The following CNBD1 variants were observed in gnomAD, a reference collection of about 807,000 sequenced individuals.
The protein encoded by CNBD1 is cyclic nucleotide binding domain containing 1, also known as cyclic nucleotide-binding domain-containing protein 1.
Under a neutral mutation model 54.4 loss-of-function variants are expected in CNBD1, and 71 were observed. The observed-to-expected ratio is 1.30, with a 90% CI of 1.08 to 1.59. The LOEUF (loss-of-function observed/expected upper bound fraction) is 1.59, where lower values mean the gene tolerates loss of function less well. Among genes scored for constraint, CNBD1 ranks in the 40% most tolerant of loss-of-function variants. CNBD1 has a pLI of 0.00. For missense variants in CNBD1, 659 were observed against 518.0 expected (o/e 1.27, Z -2.64); for synonymous variants, 182 against 170.7 (o/e 1.07, Z -0.51).
At chr8:87,090,331 T>C (rs1280190489) in intron 4 of CNBD1, among the ~76,000 whole-genome samples, 1 of 152,166 alleles carries the variant, frequency 6.6e-6, no homozygotes, top group Admixed American at 6.5e-5. Context: ...GTGGCAAAAA[T>C]AACCTTCTAA....
At chr8:87,327,454 A>T (rs997282687) in intron 8 of CNBD1, among the ~76,000 whole-genome samples, 7 of 152,110 alleles carry the variant, frequency 4.6e-5, no homozygotes, top group Non-Finnish European at 7.3e-5. Context: ...GCAATCAGCG[A>T]GATTCCGTGG....
chr8:87,365,707 A>T (rs184944696), intron 10 of CNBD1, among the ~76,000 whole-genome samples: 5 of 152,178 alleles, frequency 3.3e-5, no homozygotes, highest in African/African-American at 9.6e-5. Flanking sequence ...TAAGTATGAT[A>T]ACTTTGCTTT....
In CNBD1 at chr8:87,259,176, C is replaced by T. The variant is rs372594324; in HGVS notation, c.771+22064C>T. On this transcript the variant is annotated intron_variant, in intron 6 of 10. Coordinates refer to ENST00000518476, the MANE Select transcript of CNBD1 (RefSeq NM_173538.3). Reference sequence around the variant, plus strand: ...TTTCACAACTTATACAGGCTATCTACGACATCCTTGGACTTTCTGACTTGT... The same window carrying T: ...TTTCACAACTTATACAGGCTATCTATGACATCCTTGGACTTTCTGACTTGT... Among the ~76,000 whole-genome samples, 8 of 152,244 alleles carry T rather than the reference C, an allele frequency of 5.3e-5. No homozygotes were observed. The East Asian group carries it at 5.8e-4, about 11-fold the overall frequency.
chr8:87,085,567 T>G (rs1027276245), intron 4 of CNBD1, among the ~76,000 whole-genome samples: 1 of 152,192 alleles, frequency 6.6e-6, no homozygotes, highest in African/African-American at 2.4e-5. Flanking sequence ...CTCAGTGCAC[T>G]GCTGATTTCA....
chr8:87,146,608 A>C (rs906818381), intron 4 of CNBD1, among the ~76,000 whole-genome samples: 2 of 152,156 alleles, frequency 1.3e-5, no homozygotes, highest in Non-Finnish European at 1.5e-5. Flanking sequence ...TTTGGTGAGC[A>C]GTGCTGAGCC....
chr8:86,930,642 G>A (rs1158949211), intron 3 of CNBD1, among the ~76,000 whole-genome samples: 3 of 152,140 alleles, frequency 2.0e-5, no homozygotes, highest in Non-Finnish European at 4.4e-5. Flanking sequence ...TGCTTCCTCT[G>A]GTATTTGAGA....
intron 10 of CNBD1, among the ~76,000 whole-genome samples, chr8:87,356,457 C>T (rs1198756825): frequency 6.6e-6 from 1 of 152,130 alleles, no homozygotes; most frequent in African/African-American, 2.4e-5. Flanking sequence ...TATGCCCTAG[C>T]AAAAATCTTG....
chr8:87,411,765 G>C (rs1185465175), intron 2 of CNBD1, among the ~76,000 whole-genome samples: 2 of 150,826 alleles, frequency 1.3e-5, no homozygotes, highest in Non-Finnish European at 3.0e-5. Flanking sequence ...TAAGTTCATT[G>C]TATTTTTTCA....
chr8:87,219,333 T>C (rs1374679252), intron 5 of CNBD1, among the ~76,000 whole-genome samples: 1 of 152,008 alleles, frequency 6.6e-6, no homozygotes, highest in African/African-American at 2.4e-5. Flanking sequence ...ATGTGGGACA[T>C]AAATGAAAAC....
At chr8:87,424,988 A>G (rs1373582677) in intron 2 of CNBD1, among the ~76,000 whole-genome samples, 1 of 152,066 alleles carries the variant, frequency 6.6e-6, no homozygotes, top group South Asian at 2.1e-4. Flanking sequence ...CTTTTCACAT[A>G]GTCCCATATT....
intron 6 of CNBD1, among the ~76,000 whole-genome samples, chr8:87,272,180 T>A (rs62528087): frequency 0.045 from 6,868 of 151,996 alleles, 201 homozygotes; most frequent in Non-Finnish European, 0.064. Context: ...ATCAGTAGGA[T>A]GATTATAGTT....
intron 4 of CNBD1, among the ~76,000 whole-genome samples, chr8:87,000,822 G>A (rs1180994597): frequency 6.6e-6 from 1 of 151,836 alleles, no homozygotes; most frequent in Non-Finnish European, 1.5e-5. Context: ...TCCTTTGTAG[G>A]TAATTTGCTT....
chr8:87,426,967 A>G (rs992505904), intron 2 of CNBD1, among the ~76,000 whole-genome samples: 4 of 152,138 alleles, frequency 2.6e-5, no homozygotes, highest in African/African-American at 7.2e-5. Flanking sequence ...AATGGAGCCA[A>G]CTGTTAGCTT....
intron 2 of CNBD1, among the ~76,000 whole-genome samples, chr8:87,395,398 A>G (rs769538696): frequency 2.0e-5 from 3 of 151,948 alleles, no homozygotes; most frequent in Admixed American, 1.3e-4. Flanking sequence ...TTTGAGGAAT[A>G]TAGCATATGT....
chr8:87,137,696 C>T (rs532289140), intron 4 of CNBD1, among the ~76,000 whole-genome samples: 126 of 152,118 alleles, frequency 8.3e-4, no homozygotes, highest in African/African-American at 2.8e-3. Context: ...GATTTTTTTA[C>T]TTCCTTATTT....
At chr8:86,914,873 T>C (rs1313134107) in intron 3 of CNBD1, among the ~76,000 whole-genome samples, 1 of 152,206 alleles carries the variant, frequency 6.6e-6, no homozygotes, top group African/African-American at 2.4e-5. Flanking sequence ...AGAAGAAACA[T>C]GCTTAACTCA....
intron 4 of CNBD1, among the ~76,000 whole-genome samples, chr8:87,034,067 G>A (rs1809854759): frequency 6.6e-6 from 1 of 152,166 alleles, no homozygotes; most frequent in African/African-American, 2.4e-5. Flanking sequence ...TGTTGCTAGT[G>A]TGGCTGCAGT....
At chr8:87,353,257 C>A (rs1810344437) in intron 9 of CNBD1, among the ~76,000 whole-genome samples, 1 of 152,168 alleles carries the variant, frequency 6.6e-6, no homozygotes, top group East Asian at 1.9e-4. Context: ...GTGGGTTCAA[C>A]AAGAGTGCCT....
intron 4 of CNBD1, among the ~76,000 whole-genome samples, chr8:87,140,312 C>G (rs1012317218): frequency 2.0e-5 from 3 of 152,098 alleles, no homozygotes; most frequent in African/African-American, 7.2e-5. Context: ...TGTATTCGAT[C>G]AAAGCCACAA....
Sources: allele counts gnomAD v4.1 joint callset (sites outside exome capture counted in the v4.1 genomes callset), GRCh38; gene constraint gnomAD v4.1.1; transcripts MANE v1.5; gene names NCBI Gene and HGNC (gene_info 2026-07-23, HGNC 2026-07-21).